Variants in HDAC4 observed in about 807,000 individuals in gnomAD.
The protein encoded by HDAC4 is histone deacetylase A.
A neutral mutation model predicts 135.1 loss-of-function variants in HDAC4; 16 were observed. The observed-to-expected ratio is 0.12, with a 90% CI of 0.08 to 0.18. The LOEUF is 0.18. Ranked by LOEUF, HDAC4 falls within the 10% of genes least tolerant of loss-of-function variation. HDAC4 has a pLI of 1.00. For missense variants in HDAC4, 1,143 were observed against 1,511.8 expected (o/e 0.76, Z 4.05); for synonymous variants, 685 against 653.4 (o/e 1.05, Z -0.74).
chr2:239,126,795 C>T, intron 11 of HDAC4, 101 bp from the exon 12 acceptor site: 2 of 1,305,196 alleles, frequency 1.5e-6, no homozygotes, highest in Non-Finnish European at 2.2e-6. Flanking sequence ...CGCCCTGTGC[C>T]CGCCAGCCCA....
chr2:239,130,628 AT>A (rs1427347505), intron 11 of HDAC4, among the ~76,000 whole-genome samples: 1 of 139,050 alleles, frequency 7.2e-6, no homozygotes, highest in Non-Finnish European at 1.7e-5. Context: ...AGGCATACAC[AT>A]CTCCCTCCAC....
chr2:239,164,405 ACAG>A (rs1397150529), intron 5 of HDAC4, among the ~76,000 whole-genome samples: 2 of 152,228 alleles, frequency 1.3e-5, no homozygotes, highest in Non-Finnish European at 2.9e-5. Context: ...TCTGCTTCCA[ACAG>A]CATCAAAGGG....
At chr2:239,335,162 A>G (rs148399842) in intron 2 of HDAC4, among the ~76,000 whole-genome samples, 150 of 152,356 alleles carry the variant, frequency 9.8e-4, no homozygotes, top group African/African-American at 3.5e-3. Context: ...TAGTTAAGAC[A>G]GTGTTGCACT....
At chr2:239,117,389 C>G (rs2039232020) in intron 12 of HDAC4, among the ~76,000 whole-genome samples, 1 of 152,128 alleles carries the variant, frequency 6.6e-6, no homozygotes, top group Admixed American at 6.5e-5. Context: ...AAGGAAGCAG[C>G]TCTAGGCCCA....
chr2:239,274,629 G>T (rs1242001719), intron 2 of HDAC4, among the ~76,000 whole-genome samples: 4 of 152,224 alleles, frequency 2.6e-5, no homozygotes, highest in Non-Finnish European at 5.9e-5. Context: ...CCAAAGCAAA[G>T]CAAGCCAGTG....
At chr2:239,362,354 T>A (rs1693918775) in intron 1 of HDAC4, among the ~76,000 whole-genome samples, 1 of 152,218 alleles carries the variant, frequency 6.6e-6, no homozygotes, top group South Asian at 2.1e-4. Context: ...TGGTTCCTCC[T>A]CCCGCAGCTT....
intron 1 of HDAC4, among the ~76,000 whole-genome samples, chr2:239,363,853 A>G (rs1267166827): frequency 6.6e-6 from 1 of 152,234 alleles, no homozygotes; most frequent in East Asian, 1.9e-4. Context: ...AAATGTATAA[A>G]TAATTCTTAC....
rs543811088 is a variant in HDAC4 at position 239,310,228 on chromosome 2, G to A, written c.22+42450C>T. ...TATATACAGAATTGCCAAAGCCAAC[G>A]TGATTAGTAGAAAAACCGACATGTC... On this transcript the variant is annotated intron_variant, in intron 2 of 26. Coordinates refer to ENST00000543185, the MANE Select transcript of HDAC4 (RefSeq NM_001378414.1). 3.3e-5 allele frequency among the ~76,000 whole-genome samples: 5 copies of A among 152,316 alleles called. No homozygotes were observed. In the South Asian group the frequency reaches 8.3e-4, roughly 25 times the overall value.
chr2:239,195,774 G>A (rs2045339929), intron 3 of HDAC4, among the ~76,000 whole-genome samples: 1 of 152,186 alleles, frequency 6.6e-6, no homozygotes, highest in South Asian at 2.1e-4. Context: ...AACATATTAA[G>A]ACAATCAGAC....
chr2:239,316,211 T>C (rs987753693), intron 2 of HDAC4, among the ~76,000 whole-genome samples: 6 of 152,340 alleles, frequency 3.9e-5, no homozygotes, highest in East Asian at 3.9e-4. Flanking sequence ...CAAACTGATA[T>C]AAGTTTCCTA....
At chr2:239,188,222 C>T (rs1371588297) in intron 4 of HDAC4, among the ~76,000 whole-genome samples, 1 of 152,230 alleles carries the variant, frequency 6.6e-6, no homozygotes, top group Non-Finnish European at 1.5e-5. Flanking sequence ...GCCTGTCCTC[C>T]AGGGCCAGCC....
intron 2 of HDAC4, among the ~76,000 whole-genome samples, chr2:239,351,290 G>C (rs1004672714): frequency 2.0e-5 from 3 of 152,122 alleles, no homozygotes; most frequent in Non-Finnish European, 2.9e-5. Flanking sequence ...CCATTCGCAA[G>C]GTATCAAAAG....
intron 22 of HDAC4, among the ~76,000 whole-genome samples, chr2:239,079,463 G>T (rs1226113888): frequency 6.6e-6 from 1 of 152,150 alleles, no homozygotes; most frequent in Non-Finnish European, 1.5e-5. Flanking sequence ...GCCTGGGGAG[G>T]GGGGCCCACG....
chr2:239,178,385 C>G (rs974231090), intron 4 of HDAC4, among the ~76,000 whole-genome samples: 8 of 152,120 alleles, frequency 5.3e-5, no homozygotes, highest in Admixed American at 2.6e-4. Flanking sequence ...ATCCTCCTAC[C>G]TCAGACTCCC....
chr2:239,150,370 AAC>A (rs2152931351), intron 7 of HDAC4, among the ~76,000 whole-genome samples: 1 of 152,042 alleles, frequency 6.6e-6, no homozygotes, highest in African/African-American at 2.4e-5. Context: ...CACACACAGA[AAC>A]ACAGATACAC....
chr2:239,387,356 G>A (rs1425184856), intron 1 of HDAC4, among the ~76,000 whole-genome samples: 3 of 152,184 alleles, frequency 2.0e-5, no homozygotes, highest in Non-Finnish European at 2.9e-5. Flanking sequence ...CCTCAGTCCC[G>A]CCGCTGCGTG....
intron 22 of HDAC4, among the ~76,000 whole-genome samples, chr2:239,075,312 C>T (rs1394594474): frequency 6.8e-6 from 1 of 147,140 alleles, no homozygotes; most frequent in Non-Finnish European, 1.5e-5. Flanking sequence ...CAAGCCATCA[C>T]TTTAAGGAGA....
upstream of HDAC4, chr2:239,401,520 C>T (rs915293557): frequency 3.2e-5 from 6 of 185,178 alleles, no homozygotes; most frequent in South Asian, 1.9e-4. Context: ...CTCGGTAGCC[C>T]GCATGGCTGC....
At chr2:239,213,222 G>A (rs607835) in intron 3 of HDAC4, among the ~76,000 whole-genome samples, 81,591 of 133,418 alleles carry the variant, frequency 0.61, 23,204 homozygotes, top group South Asian at 0.76. Flanking sequence ...CAGCAAAGTA[G>A]GGGCCAGGGA....
Sources: allele counts gnomAD v4.1 joint callset (sites outside exome capture counted in the v4.1 genomes callset), GRCh38; gene constraint gnomAD v4.1.1; transcripts MANE v1.5; gene names NCBI Gene and HGNC (gene_info 2026-07-23, HGNC 2026-07-21).